Variants in KCNS3 observed in about 807,000 individuals in gnomAD.
The protein encoded by KCNS3 is delayed-rectifier potassium channel regulatory subunit KCNS3.
A neutral mutation model predicts 31.0 loss-of-function variants in KCNS3; 13 were observed. The ratio of observed to expected loss-of-function variants is 0.42; its 90% confidence interval spans 0.27 to 0.67. The LOEUF (loss-of-function observed/expected upper bound fraction) is 0.67, where lower values mean the gene tolerates loss of function less well. KCNS3 is among the 30% of genes least tolerant of loss of function. The pLI is 0.25. For synonymous variants in KCNS3, 238 were observed against 241.5 expected (o/e 0.99, Z 0.13); for missense variants, 545 against 622.4 (o/e 0.88, Z 1.32).
intron 1 of KCNS3, among the ~76,000 whole-genome samples, chr2:17,915,422 A>G (rs1662567326): frequency 6.6e-6 from 1 of 152,146 alleles, no homozygotes; most frequent in African/African-American, 2.4e-5. Flanking sequence ...TTCTTCCCCA[A>G]AGCCTACTGG....
rs118141502 is a variant in KCNS3 at position 17,928,145 on chromosome 2, G to A, written c.-59-2805G>A. 1.2e-3 allele frequency among the ~76,000 whole-genome samples: 182 copies of A among 152,212 alleles called. 1 individual carries two copies. In the East Asian group the frequency reaches 0.034, roughly 28 times the overall value. ...ACTTCATCTAGGTTATCTAATTTGT[G>A]GACATATGATTGATCATAGTATTCC... On this transcript the variant is annotated intron_variant, in intron 2 of 2. Coordinates refer to ENST00000304101, the MANE Select transcript of KCNS3 (RefSeq NM_002252.5).
intron 1 of KCNS3, among the ~76,000 whole-genome samples, chr2:17,897,722 GCTGT>G (rs761256196): frequency 2.6e-5 from 4 of 152,064 alleles, no homozygotes; most frequent in Non-Finnish European, 5.9e-5. Flanking sequence ...CATTCTATAG[GCTGT>G]CTGTTTACTC....
intron 1 of KCNS3, among the ~76,000 whole-genome samples, chr2:17,888,672 T>G (rs1199427109): frequency 7.7e-6 from 1 of 129,736 alleles, no homozygotes; most frequent in Non-Finnish European, 1.6e-5. Flanking sequence ...TATATATATA[T>G]AAAGAAAAGG....
chr2:17,904,672 A>G (rs1249188833), intron 1 of KCNS3, among the ~76,000 whole-genome samples: 3 of 152,274 alleles, frequency 2.0e-5, no homozygotes, highest in Non-Finnish European at 4.4e-5. Flanking sequence ...CCAGCTTTCT[A>G]CATATGGCTA....
rs1231044984 is a variant in KCNS3, at chr2:17,918,329, A to T, written c.-60+458A>T. ...TTGTTTGAGCCACATCATGCTTCAA[A>T]CATGTTGGATCAATTCTAACTAAAC... On this transcript the variant is annotated intron_variant, in intron 2 of 2. Coordinates refer to ENST00000304101, the MANE Select transcript of KCNS3 (RefSeq NM_002252.5). Among the ~76,000 whole-genome samples the T allele has an allele frequency of 2.6e-5, 4 of 152,328 alleles. No individual in the cohort carries two copies. In the South Asian group the frequency reaches 8.3e-4, roughly 32 times the overall value.
chr2:17,913,359 C>T (rs1302041872), intron 1 of KCNS3, among the ~76,000 whole-genome samples: 1 of 152,208 alleles, frequency 6.6e-6, no homozygotes, highest in Non-Finnish European at 1.5e-5. Context: ...CAGGAGTGGG[C>T]GTATTCAGCA....
At chr2:17,925,657 G>A (rs1662823198) in intron 2 of KCNS3, among the ~76,000 whole-genome samples, 1 of 152,114 alleles carries the variant, frequency 6.6e-6, no homozygotes, top group East Asian at 1.9e-4. Context: ...GACCTTGTGA[G>A]AACTCACTCA....
At chr2:17,905,592 T>G (rs970750320) in intron 1 of KCNS3, among the ~76,000 whole-genome samples, 1 of 152,182 alleles carries the variant, frequency 6.6e-6, no homozygotes, top group Admixed American at 6.5e-5. Flanking sequence ...ATATTGGCTG[T>G]GGGTTTGTCA....
intron 1 of KCNS3, among the ~76,000 whole-genome samples, chr2:17,897,608 G>A (rs1662060292): frequency 6.6e-6 from 1 of 152,148 alleles, no homozygotes; most frequent in East Asian, 1.9e-4. Context: ...CTTTTGAGAA[G>A]TGTCTGTTAA....
At chr2:17,885,331 G>T (rs1361946839) in intron 1 of KCNS3, among the ~76,000 whole-genome samples, 1 of 152,088 alleles carries the variant, frequency 6.6e-6, no homozygotes, top group African/African-American at 2.4e-5. Flanking sequence ...TCCTCTGTAC[G>T]CATGGATATC....
intron 1 of KCNS3, among the ~76,000 whole-genome samples, chr2:17,888,063 G>T (rs147585325): frequency 2.0e-5 from 3 of 151,702 alleles, no homozygotes; most frequent in South Asian, 4.2e-4. Flanking sequence ...TGTTTTTGTC[G>T]TAGATTCTGG....
chr2:17,927,180 G>A (rs977328281), intron 2 of KCNS3, among the ~76,000 whole-genome samples: 1 of 152,204 alleles, frequency 6.6e-6, no homozygotes, highest in Non-Finnish European at 1.5e-5. Context: ...TAGCAAGAAT[G>A]AGTGTTTGTT....
intron 1 of KCNS3, among the ~76,000 whole-genome samples, chr2:17,907,792 C>T (rs1231422202): frequency 6.6e-6 from 1 of 152,240 alleles, no homozygotes; most frequent in Admixed American, 6.5e-5. Context: ...TTGGCCCCCA[C>T]TCTCTTCTGG....
Position 17,931,047 on chromosome 2 carries a change from C to T in KCNS3, c.39C>T (p.Asp13=), listed in dbSNP as rs35186900. ...AGTTTTTCCATCGCCCTGGACAAGA[C>T]GAGGAACTTGTCAACCTGAATGTGG... ...FGEFFHRPGQ[D]EELVNLNVGG... The change falls in exon 3 of 3, where the codon GAC becomes GAT. Residue 13 remains aspartate (D), a synonymous_variant. Transcript: ENST00000304101. This position sits in a 1 kb window ranked among gnomAD's most constrained non-coding sequence, Gnocchi z 5.4. 43,219 of 1,613,976 alleles carry T rather than the reference C, an allele frequency of 0.027. 655 individuals are homozygous for T. The highest frequency in any genetic ancestry group is 0.03 in the Non-Finnish European group (35,725 of 1,179,954).
chr2:17,907,514 G>C (rs1367141602), intron 1 of KCNS3, among the ~76,000 whole-genome samples: 2 of 152,148 alleles, frequency 1.3e-5, no homozygotes, highest in East Asian at 1.9e-4. Context: ...GATGTTAGCT[G>C]GTTATTTTGC....
At chr2:17,929,168 G>A (rs1662899875) in intron 2 of KCNS3, among the ~76,000 whole-genome samples, 1 of 152,168 alleles carries the variant, frequency 6.6e-6, no homozygotes, top group Non-Finnish European at 1.5e-5. Flanking sequence ...TCTACCCTTC[G>A]ATGCCTCTGG....
intron 1 of KCNS3, among the ~76,000 whole-genome samples, chr2:17,894,946 C>A (rs915245418): frequency 1.3e-5 from 2 of 152,174 alleles, no homozygotes; most frequent in African/African-American, 4.8e-5. Flanking sequence ...TGTGAGAATT[C>A]ATTTTAATAA....
chr2:17,912,503 A>G (rs73225040), intron 1 of KCNS3, among the ~76,000 whole-genome samples: 3,511 of 152,304 alleles, frequency 0.023, 127 homozygotes, highest in African/African-American at 0.076. Flanking sequence ...AGCCCTGTCA[A>G]CACTCAGTGA....
At chr2:17,921,322 C>G (rs1258614926) in intron 2 of KCNS3, among the ~76,000 whole-genome samples, 1 of 152,044 alleles carries the variant, frequency 6.6e-6, no homozygotes, top group African/African-American at 2.4e-5. Context: ...AGAGCTCCTG[C>G]CTTTCCATGT....
Sources: gnomAD v4.1 joint callset for allele counts (sites outside exome capture counted in the v4.1 genomes callset) on GRCh38, gnomAD v4.1.1 for gene constraint, Gnocchi (gnomAD v3.1) non-coding constraint, MANE v1.5 for transcripts, NCBI Gene and HGNC (gene_info 2026-07-23, HGNC 2026-07-21) for gene names.